B4GALNT2: variants seen among roughly 807,000 people sequenced by gnomAD.
The protein encoded by B4GALNT2 is beta-1,4-N-acetyl-galactosaminyltransferase 2 (SID blood group).
In B4GALNT2, 42 loss-of-function variants were observed where a neutral mutation model predicts 51.1. The observed-to-expected ratio is 0.82, with a 90% CI of 0.64 to 1.06. The LOEUF is 1.06. Among genes scored for constraint, B4GALNT2 ranks in the 50% least tolerant of loss-of-function variants. The probability of loss-of-function intolerance (pLI) is 0.00; values close to 1 mark genes in which losing one functional copy is unlikely to be tolerated. For missense variants in B4GALNT2, 602 were observed against 633.6 expected (o/e 0.95, Z 0.54); for synonymous variants, 253 against 251.7 (o/e 1.01, Z -0.05).
In B4GALNT2 at chr17:49,173,994, T is replaced by C. The variant is rs1399314512; in HGVS notation, c.*4266T>C. 2.0e-5 allele frequency: 3 copies of C among 152,148 alleles called. No individual in the cohort carries two copies. The highest frequency in any genetic ancestry group is 4.8e-5 in the African/African-American group (2 of 41,410). The allele number at this position is 152,148 out of a possible 1,614,324, so 9.4% of individuals were successfully genotyped here. A position where few individuals can be genotyped will look rare whatever the true frequency, so the allele number is the denominator to read the frequency against. ...CATAGGTAGGAATGCCTAGAGTAGG[T>C]CATATCCAATTAATGTCCCCTGGTA... On this transcript the variant is annotated 3_prime_UTR_variant, in exon 11 of 11. Transcript: ENST00000393354.
chr17:49,144,453 G>A lies in B4GALNT2; in HGVS notation c.353+2281G>A, dbSNP rs1318239575. Among the ~76,000 whole-genome samples the A allele has an allele frequency of 2.0e-5, 3 of 152,188 alleles. No individual in the cohort carries two copies. The East Asian group carries it at 5.8e-4, about 29-fold the overall frequency. ...GATGCTGGCATGGATTTCAACCCTGGTGCACCTAGCTATGTGAGGAGCAAC... is the reference window on the plus strand; with the variant it reads ...GATGCTGGCATGGATTTCAACCCTGATGCACCTAGCTATGTGAGGAGCAAC... On this transcript the variant is annotated intron_variant, in intron 3 of 10. Transcript: ENST00000393354.
chr17:49,144,507 G>A (rs909579338), intron 3 of B4GALNT2, among the ~76,000 whole-genome samples: 9 of 152,208 alleles, frequency 5.9e-5, no homozygotes, highest in African/African-American at 1.9e-4. Context: ...GTGCTGCCGC[G>A]GGAAGCTGAC....
chr17:49,125,748 T>G, the B4GALNT2 span, among the ~76,000 whole-genome samples: 1 of 98,206 alleles, frequency 1.0e-5, no homozygotes, highest in Non-Finnish European at 2.1e-5. Flanking sequence ...CGGAGGGAGG[T>G]GGGGGGGTCA....
chr17:49,139,662 A>G (rs2042622216), intron 1 of B4GALNT2, among the ~76,000 whole-genome samples: 1 of 152,170 alleles, frequency 6.6e-6, no homozygotes, highest in South Asian at 2.1e-4. Flanking sequence ...GACTATAGGC[A>G]CATGCCACGG....
At chr17:49,132,886 C>T in intron 1 of B4GALNT2, 80 bp downstream of exon 1, 1 of 1,375,488 alleles carries the variant, frequency 7.3e-7, no homozygotes, top group Non-Finnish European at 9.4e-7. Flanking sequence ...CTGGCGTCTG[C>T]AGAGCGGGCA....
chr17:49,135,887 C>T (rs1442842483), intron 1 of B4GALNT2, among the ~76,000 whole-genome samples: 2 of 151,554 alleles, frequency 1.3e-5, no homozygotes, highest in Non-Finnish European at 2.9e-5. Context: ...CACGGCGAAA[C>T]TCCGTCTCTA....
upstream of B4GALNT2, among the ~76,000 whole-genome samples, chr17:49,130,346 T>C (rs1289064882): frequency 6.6e-6 from 1 of 152,190 alleles, no homozygotes; most frequent in Non-Finnish European, 1.5e-5. Flanking sequence ...GCCTCTAAAA[T>C]GTCTAGTTGG....
At chr17:49,153,293 T>C (rs893607186) in intron 4 of B4GALNT2, among the ~76,000 whole-genome samples, 1 of 151,920 alleles carries the variant, frequency 6.6e-6, no homozygotes, top group African/African-American at 2.4e-5. Context: ...TGGGCAACTG[T>C]AGTCCCAACT....
rs982168792 is a variant in B4GALNT2, at chr17:49,174,426, C to T, written c.*4698C>T. On this transcript the variant is annotated 3_prime_UTR_variant, in exon 11 of 11. Transcript: ENST00000393354. ...ATTGTAAATGCAAACCATTCACAGT[C>T]CTGCTCAGCTAAGGGGATAGTAAAG... The T allele has an allele frequency of 4.6e-5, 7 of 152,178 alleles. No homozygotes were observed. The highest frequency in any genetic ancestry group is 1.3e-4 in the Admixed American group (2 of 15,266). The allele number at this position is 152,178 out of a possible 1,614,324, so 9.4% of individuals were successfully genotyped here.
chr17:49,166,321 C>T (rs576242601), intron 9 of B4GALNT2, 67 bp downstream of exon 9: 35 of 832,282 alleles, frequency 4.2e-5, no homozygotes, highest in African/African-American at 9.2e-5. Context: ...GAGAAGAGAG[C>T]GGGAAGAAAT....
chr17:49,148,512 G>A (rs2042719300), intron 3 of B4GALNT2: 3 of 336,760 alleles, frequency 8.9e-6, no homozygotes, highest in Admixed American at 7.2e-5. Flanking sequence ...GCCAGTCTCT[G>A]GACAGCTGTG....
At chr17:49,164,974 G>A (rs931194059) in intron 8 of B4GALNT2, among the ~76,000 whole-genome samples, 2 of 151,902 alleles carry the variant, frequency 1.3e-5, no homozygotes, top group Admixed American at 6.6e-5. Context: ...ATAATGCCAG[G>A]CTAATTTTTT....
intron 5 of B4GALNT2, among the ~76,000 whole-genome samples, chr17:49,158,636 C>CAAAAAAAAA (rs770885158): frequency 1.3e-5 from 1 of 74,202 alleles, no homozygotes. Context: ...GACTCCATCT[C>CAAAAAAAAA]AAAAAAAAAA....
chr17:49,169,756 G>C lies in B4GALNT2; in HGVS notation c.*28G>C, dbSNP rs2042945379. The C allele has an allele frequency of 6.6e-7, 1 of 1,520,558 alleles. No homozygotes were observed. The highest frequency in any genetic ancestry group is 2.3e-5 in the East Asian group (1 of 43,648). The allele number at this position is 1,520,558 out of a possible 1,614,324, so 94.2% of individuals were successfully genotyped here. A position where few individuals can be genotyped will look rare whatever the true frequency, so the allele number is the denominator to read the frequency against. On this transcript the variant is annotated 3_prime_UTR_variant, in exon 11 of 11. Transcript: ENST00000393354. ...GTGTGAGGGCATAGGAGAAACACTAGGCTGGCTGGTTATGGTATCTATAGC... is the reference window on the plus strand; with the variant it reads ...GTGTGAGGGCATAGGAGAAACACTACGCTGGCTGGTTATGGTATCTATAGC...
At chr17:49,151,520 T>C (rs2042753548) in intron 3 of B4GALNT2, among the ~76,000 whole-genome samples, 2 of 151,870 alleles carry the variant, frequency 1.3e-5, no homozygotes. Context: ...GGCCAAGGCA[T>C]GCGGATCATA....
upstream of B4GALNT2, among the ~76,000 whole-genome samples, chr17:49,129,904 G>C (rs1218913061): frequency 1.3e-5 from 2 of 152,174 alleles, no homozygotes; most frequent in Non-Finnish European, 2.9e-5. Flanking sequence ...GGTGGTTTTT[G>C]ATCAAGGTGA....
Position 49,142,036 on chromosome 17 carries a change from C to T in B4GALNT2, c.217C>T (p.Leu73=), listed in dbSNP as rs747199055. The change falls in exon 3 of 11, where the codon CTG becomes TTG. Residue 73 remains leucine, a splice_region_variant and synonymous_variant. Transcript: ENST00000393354. The stretch of plus-strand genomic sequence containing the variant: ...TTACAGTCCTCTTGCTTGTTTCAGG[C>T]TGTTCCCGAAAAATCAGTGCAAATG... ...RNLFSYDGIW[L]FPKNQCKCEA... The T allele has an allele frequency of 2.5e-6, 4 of 1,613,956 alleles. No individual in the cohort carries two copies. The highest frequency in any genetic ancestry group is 3.4e-6 in the Non-Finnish European group (4 of 1,180,028).
chr17:49,174,238 A>G lies in B4GALNT2; in HGVS notation c.*4510A>G, dbSNP rs1461968150. On this transcript the variant is annotated 3_prime_UTR_variant, in exon 11 of 11. Coordinates refer to ENST00000393354, the MANE Select transcript of B4GALNT2 (RefSeq NM_001159387.2). ...TCGAGTGGGGGGCAGCACAAAGTAT[A>G]TCGTCCATATAATGAATAATGTAAC... 6.6e-6 allele frequency: 1 copy of G among 152,242 alleles called. No individual in the cohort carries two copies. 9.4% of individuals were successfully genotyped at this position (152,242 alleles called of 1,614,324 possible).
At chr17:49,139,847 A>G (rs2042624201) in intron 1 of B4GALNT2, among the ~76,000 whole-genome samples, 1 of 151,854 alleles carries the variant, frequency 6.6e-6, no homozygotes, top group Non-Finnish European at 1.5e-5. Flanking sequence ...GTCAGAACGT[A>G]TGATCTGAAC....
Sources: allele counts gnomAD v4.1 joint callset (sites outside exome capture counted in the v4.1 genomes callset), GRCh38; gene constraint gnomAD v4.1.1; transcripts MANE v1.5; gene names NCBI Gene and HGNC (gene_info 2026-07-23, HGNC 2026-07-21).